Variants in ST14 observed in about 807,000 individuals in gnomAD.
ST14 encodes suppressor of tumorigenicity 14 protein.
ST14 carries 40 observed loss-of-function variants against 96.5 expected under a neutral mutation model. The ratio of observed to expected loss-of-function variants is 0.41; its 90% confidence interval spans 0.32 to 0.54. ST14 has a LOEUF of 0.54. ST14 is among the 20% of genes least tolerant of loss of function. The probability of loss-of-function intolerance (pLI) is 0.17; values close to 1 mark genes in which losing one functional copy is unlikely to be tolerated. For missense variants in ST14, 1,066 were observed against 1,188.9 expected (o/e 0.90, Z 1.52); for synonymous variants, 506 against 492.1 (o/e 1.03, Z -0.37).
chr11:130,202,779 C>A (rs372000806), intron 16 of ST14, among the ~76,000 whole-genome samples: 3 of 152,196 alleles, frequency 2.0e-5, no homozygotes, highest in Admixed American at 1.3e-4. Flanking sequence ...ATATGATCTT[C>A]GGCAAGTTGC....
intron 1 of ST14, among the ~76,000 whole-genome samples, chr11:130,172,747 C>G (rs1054125948): frequency 1.3e-5 from 2 of 152,144 alleles, no homozygotes; most frequent in African/African-American, 2.4e-5. Context: ...GCCACAGAGT[C>G]CTCTACTGAG....
chr11:130,173,189 G>C (rs898307837), intron 1 of ST14, among the ~76,000 whole-genome samples: 1 of 152,128 alleles, frequency 6.6e-6, no homozygotes, highest in East Asian at 1.9e-4. Flanking sequence ...CCTACCTACT[G>C]TCTCTCTTTG....
At position 130,209,818 on chromosome 11, in the gene ST14, G is replaced by C. The variant is rs1470386225; in HGVS notation, c.2563G>C (p.Val855Leu). 8 of 1,613,800 alleles carry C rather than the reference G, an allele frequency of 5.0e-6. No individual in the cohort carries two copies. Among genetic ancestry groups the C allele is most frequent in the Non-Finnish European group, 6.8e-6 (8 of 1,180,022 alleles). ...GGACTGGATCAAAGAGAACACTGGG[G>C]TATAGGGGCCGGGGCCACCCAAATG... is the stretch of plus-strand genomic sequence containing the variant. ...FRDWIKENTG[V>L] The change falls in exon 19 of 19, where the codon GTA becomes CTA. Residue 855 changes from valine (V) to leucine (L), a missense_variant. Coordinates refer to ENST00000278742, the MANE Select transcript of ST14 (RefSeq NM_021978.4).
intron 1 of ST14, among the ~76,000 whole-genome samples, chr11:130,183,801 C>T (rs140364283): frequency 1.3e-5 from 2 of 152,194 alleles, no homozygotes; most frequent in African/African-American, 4.8e-5. Context: ...TTTTTCATTG[C>T]TGATATGCCA....
chr11:130,174,369 G>A (rs910158177), intron 1 of ST14, among the ~76,000 whole-genome samples: 3 of 152,192 alleles, frequency 2.0e-5, no homozygotes, highest in African/African-American at 7.2e-5. Flanking sequence ...TGAAAAAAGG[G>A]TTAAGAGAGG....
intron 4 of ST14, 149 bp from the exon 5 acceptor site, chr11:130,189,590 G>A: frequency 9.9e-7 from 1 of 1,006,966 alleles, no homozygotes; most frequent in South Asian, 1.5e-5. Context: ...GGTGGAAAGA[G>A]GGATGACACA....
chr11:130,207,586 C>T (rs896985059), intron 16 of ST14, among the ~76,000 whole-genome samples: 1 of 152,090 alleles, frequency 6.6e-6, no homozygotes, highest in Non-Finnish European at 1.5e-5. Flanking sequence ...AAACCATGAA[C>T]CTTTCCTGAT....
chr11:130,204,654 A>G (rs183873277), intron 16 of ST14, among the ~76,000 whole-genome samples: 25 of 152,312 alleles, frequency 1.6e-4, no homozygotes, highest in African/African-American at 5.8e-4. Flanking sequence ...TCTACTAAAA[A>G]TACAAAAATT....
At chr11:130,164,438 TA>T (rs1565616510) in intron 1 of ST14, among the ~76,000 whole-genome samples, 1 of 151,410 alleles carries the variant, frequency 6.6e-6, no homozygotes, top group Non-Finnish European at 1.5e-5. Flanking sequence ...TTTTTTTTTT[TA>T]GACAGGGTCT....
rs141472224 is a variant in ST14, at chr11:130,171,653, T to G, written c.81+11593T>G. Among the ~76,000 whole-genome samples the G allele has an allele frequency of 3.3e-5, 5 of 152,290 alleles. No homozygotes were observed. In the East Asian group the frequency reaches 9.6e-4, roughly 29 times the overall value. ...TCTTTCCACAAGGTCAGACTTTTAT[T>G]GATGCAATTTCAATCATAAACACCA... On this transcript the variant is annotated intron_variant, in intron 1 of 18. Transcript: ENST00000278742.
chr11:130,207,841 G>A (rs1480207052), intron 16 of ST14, among the ~76,000 whole-genome samples: 2 of 152,236 alleles, frequency 1.3e-5, no homozygotes, highest in Non-Finnish European at 2.9e-5. Context: ...GGGAGGCCGA[G>A]GCGGGCGGAT....
At chr11:130,170,723 T>A (rs1591877899) in intron 1 of ST14, among the ~76,000 whole-genome samples, 1 of 151,736 alleles carries the variant, frequency 6.6e-6, no homozygotes, top group Non-Finnish European at 1.5e-5. Flanking sequence ...AACGTCAGAG[T>A]TGAGGGAGCC....
In ST14 at chr11:130,208,425, G is replaced by T. The variant is rs376646365; in HGVS notation, c.2010G>T (p.Thr670=). The T allele has an allele frequency of 6.2e-7, 1 of 1,613,972 alleles. No homozygotes were observed. The highest frequency in any genetic ancestry group is 1.3e-5 in the African/African-American group (1 of 74,956). Residue 670 remains threonine, a synonymous_variant, in exon 17 of 19, where the codon ACG becomes ACT. Coordinates refer to ENST00000278742, the MANE Select transcript of ST14 (RefSeq NM_021978.4). ...TCCCTACCAGGTACTCAGACCCCAC[G>T]CAGTGGACGGCCTTCCTGGGCTTGC... The part of the protein sequence containing the change: ...DDRGFRYSDP[T]QWTAFLGLHD...
chr11:130,207,321 T>G (rs1953499266), intron 16 of ST14, among the ~76,000 whole-genome samples: 1 of 152,016 alleles, frequency 6.6e-6, no homozygotes, highest in African/African-American at 2.4e-5. Context: ...GAGGCCAAGG[T>G]GGGCTGGTCG....
intron 1 of ST14, among the ~76,000 whole-genome samples, chr11:130,177,431 CAGGTGCCTGTAA>C (rs1226063964): frequency 6.6e-6 from 1 of 152,016 alleles, no homozygotes; most frequent in Non-Finnish European, 1.5e-5. Context: ...GGTGCGGTGG[CAGGTGCCTGTAA>C]TCCCAGCTAC....
chr11:130,183,252 A>G (rs1233424156), intron 1 of ST14, among the ~76,000 whole-genome samples: 1 of 152,070 alleles, frequency 6.6e-6, no homozygotes, highest in Non-Finnish European at 1.5e-5. Flanking sequence ...GAGCCACCAC[A>G]CCCGGCCTAC....
Position 130,181,150 on chromosome 11 carries a change from C to T in ST14, c.82-6964C>T, listed in dbSNP as rs902108219. ...CTGGGTGGGATGGCGGTGGTCCCTG[C>T]TGGGTGGGATGGTGGTGATCTGATC... On this transcript the variant is annotated intron_variant, in intron 1 of 18. Transcript: ENST00000278742. This position sits in a 1 kb window ranked among gnomAD's most constrained non-coding sequence, Gnocchi z 4.1. Among the ~76,000 whole-genome samples, 1 of 149,910 alleles carries T rather than the reference C, an allele frequency of 6.7e-6. No homozygotes were observed. Among genetic ancestry groups the T allele is most frequent in the African/African-American group, 2.5e-5 (1 of 40,618 alleles).
intron 16 of ST14, among the ~76,000 whole-genome samples, chr11:130,201,273 G>C (rs1458134256): frequency 6.6e-6 from 1 of 152,262 alleles, no homozygotes; most frequent in Non-Finnish European, 1.5e-5. Context: ...GGCCTGGCTT[G>C]CCCTGAAGAG....
At chr11:130,170,622 C>A (rs968671486) in intron 1 of ST14, among the ~76,000 whole-genome samples, 1 of 151,828 alleles carries the variant, frequency 6.6e-6, no homozygotes, top group Non-Finnish European at 1.5e-5. Context: ...TAGGGGAGCC[C>A]AGCCATTCCG....
Sources: gnomAD v4.1 joint callset for allele counts (sites outside exome capture counted in the v4.1 genomes callset) on GRCh38, gnomAD v4.1.1 for gene constraint, Gnocchi (gnomAD v3.1) non-coding constraint, MANE v1.5 for transcripts, NCBI Gene and HGNC (gene_info 2026-07-23, HGNC 2026-07-21) for gene names.